UBA2: variants seen among roughly 807,000 people sequenced by gnomAD.
The protein encoded by UBA2 is ubiquitin like modifier activating enzyme 2.
UBA2 carries 11 observed loss-of-function variants against 77.2 expected under a neutral mutation model. That is an observed-to-expected ratio of 0.14 (90% CI 0.09 to 0.24). The LOEUF (loss-of-function observed/expected upper bound fraction) is 0.24. Among genes scored for constraint, UBA2 ranks in the 10% least tolerant of loss-of-function variants. The probability of loss-of-function intolerance (pLI) is 1.00; values close to 1 mark genes in which losing one functional copy is unlikely to be tolerated. For missense variants in UBA2, 487 were observed against 781.7 expected, an observed-to-expected ratio of 0.62 and a Z score of 4.50; for synonymous variants, 278 against 276.7, an observed-to-expected ratio of 1.00 and a Z score of -0.05.
intron 6 of UBA2, among the ~76,000 whole-genome samples, chr19:34,442,939 A>G (rs1484427408): frequency 1.3e-5 from 2 of 152,200 alleles, no homozygotes; most frequent in Non-Finnish European, 2.9e-5. Flanking sequence ...GGATTTCTGT[A>G]AGATAACTTT....
chr19:34,458,696 C>T (rs1346971211), intron 12 of UBA2, 73 bp from the exon 13 acceptor site: 6 of 1,305,272 alleles, frequency 4.6e-6, no homozygotes, highest in East Asian at 5.2e-5. Context: ...ATCTGGTAAA[C>T]GAGATTTTAG....
At chr19:34,445,563 C>T (rs568478657) in intron 8 of UBA2, among the ~76,000 whole-genome samples, 130 of 151,872 alleles carry the variant, frequency 8.6e-4, no homozygotes, top group Non-Finnish European at 1.3e-3. Context: ...CTCAGCCTTC[C>T]GAGTAGCTGG....
rs573896718 is a variant in UBA2, at chr19:34,442,628, A to G, written c.582-1216A>G. On this transcript the variant is annotated intron_variant, in intron 6 of 16. Coordinates refer to ENST00000246548, the MANE Select transcript of UBA2 (RefSeq NM_005499.3). The stretch of plus-strand genomic sequence containing the variant: ...TGTATTTTAGTAGATACAGGGTTTC[A>G]CCTTGTTGGCCAGGCTGGTCTCAAA... Among the ~76,000 whole-genome samples the G allele has an allele frequency of 7.2e-5, 11 of 151,934 alleles. No homozygotes were observed. In the South Asian group the frequency reaches 1.9e-3, roughly 26 times the overall value.
At position 34,451,514 on chromosome 19, in the gene UBA2, C is replaced by A. The variant is rs138995048; in HGVS notation, c.872-467C>A. ...ATGAGGTACTGAGGTGGTCTTGTAC[C>A]TTTCCTATCTCAGGTTTAACAGTTT... On this transcript the variant is annotated intron_variant, in intron 9 of 16. Coordinates refer to ENST00000246548, the MANE Select transcript of UBA2 (RefSeq NM_005499.3). 4.5e-4 allele frequency among the ~76,000 whole-genome samples: 63 copies of A among 139,296 alleles called. No individual in the cohort carries two copies. In the East Asian group the frequency reaches 0.012, roughly 26 times the overall value. 91.4% of individuals were successfully genotyped at this position (139,296 alleles called of 152,430 possible).
At position 34,469,091 on chromosome 19, in the gene UBA2, C is replaced by T. The variant is rs536680033; in HGVS notation, c.1793C>T (p.Ser598Leu). Residue 598 changes from serine (S) to leucine (L), a missense_variant, in exon 17 of 17, where the codon TCA becomes TTA. Around this residue, in one of 9 missense-constraint regions of UBA2, gnomAD observed 40 missense variants for 36.6 expected, o/e 1.09. Transcript: ENST00000246548. ...LIVDSDEEDS[S>L]NNADVSEEER... ...GTTGATTCAGATGAAGAAGATTCTT[C>T]AAATAATGCCGACGTCAGTGAAGAA... 65 of 1,611,364 alleles carry T rather than the reference C, an allele frequency of 4.0e-5. No homozygotes were observed. The highest frequency in any genetic ancestry group is 1.7e-4 in the Middle Eastern group (1 of 6,050).
intron 9 of UBA2, among the ~76,000 whole-genome samples, chr19:34,450,622 A>G (rs111654043): frequency 5.3e-5 from 8 of 151,904 alleles, no homozygotes; most frequent in African/African-American, 1.2e-4. Flanking sequence ...GAATCATACT[A>G]TTGATAAACT....
At chr19:34,433,448 T>TTCC in intron 4 of UBA2, 36 bp downstream of exon 4, 1 of 1,332,826 alleles carries the variant, frequency 7.5e-7, no homozygotes, top group Non-Finnish European at 1.1e-6. Flanking sequence ...TTCTCAGTAT[T>TTCC]TCCTCTCTCC....
intron 12 of UBA2, among the ~76,000 whole-genome samples, chr19:34,455,840 C>A (rs2075552365): frequency 6.6e-6 from 1 of 151,948 alleles, no homozygotes; most frequent in Admixed American, 6.6e-5. Flanking sequence ...ACGGGTTTCA[C>A]TATGTTGGTT....
At chr19:34,442,391 TC>T (rs2075379952) in intron 6 of UBA2, among the ~76,000 whole-genome samples, 1 of 152,230 alleles carries the variant, frequency 6.6e-6, no homozygotes, top group Admixed American at 6.5e-5. Context: ...CTCAGATACT[TC>T]CCGATAAACT....
chr19:34,429,240 C>G (rs925778256), intron 1 of UBA2: 11 of 985,268 alleles, frequency 1.1e-5, no homozygotes, highest in Admixed American at 6.2e-5. Flanking sequence ...TCGCTTGTTT[C>G]ATTAAAGACG....
chr19:34,457,546 T>G (rs2075581801), intron 12 of UBA2, among the ~76,000 whole-genome samples: 1 of 152,194 alleles, frequency 6.6e-6, no homozygotes, highest in African/African-American at 2.4e-5. Context: ...TTTCTCCCTC[T>G]GTAGCCTGCT....
intron 6 of UBA2, among the ~76,000 whole-genome samples, chr19:34,443,542 A>G (rs1227943106): frequency 6.6e-6 from 1 of 150,880 alleles, no homozygotes; most frequent in Non-Finnish European, 1.5e-5. Context: ...CCTGGGTTCA[A>G]GCGATTCTCC....
chr19:34,442,458 T>G (rs186149605), intron 6 of UBA2, among the ~76,000 whole-genome samples: 331 of 152,326 alleles, frequency 2.2e-3, no homozygotes, highest in African/African-American at 7.7e-3. Context: ...TGTTGTTGTT[T>G]TTTTGAGATG....
intron 15 of UBA2, among the ~76,000 whole-genome samples, chr19:34,465,570 A>C (rs2075678661): frequency 6.8e-6 from 1 of 147,952 alleles, no homozygotes; most frequent in Non-Finnish European, 1.5e-5. Flanking sequence ...CGGGGAGCCG[A>C]GTTTGCAGTG....
intron 3 of UBA2, among the ~76,000 whole-genome samples, chr19:34,432,670 GTC>G (rs1371145819): frequency 6.6e-6 from 1 of 152,120 alleles, no homozygotes; most frequent in African/African-American, 2.4e-5. Flanking sequence ...CGATTCTCCT[GTC>G]TCAGCCTCCT....
chr19:34,428,516 C>T lies in UBA2; in HGVS notation c.84C>T (p.Ile28=). 1 of 1,304,302 alleles carries T rather than the reference C, an allele frequency of 7.7e-7. No individual in the cohort carries two copies. Among genetic ancestry groups the T allele is most frequent in the Non-Finnish European group, 9.8e-7 (1 of 1,019,228 alleles). The allele number at this position is 1,304,302 out of a possible 1,614,324, so 80.8% of individuals were successfully genotyped here. A position where few individuals can be genotyped will look rare whatever the true frequency, so the allele number is the denominator to read the frequency against. Residue 28 remains isoleucine (I), a synonymous_variant, in exon 1 of 17, where the codon ATC becomes ATT. Coordinates refer to ENST00000246548, the MANE Select transcript of UBA2 (RefSeq NM_005499.3). ...TGCTGGTGGTGGGGGCGGGCGGCATCGGCTGCGAGCTCCTCAAGAATCTCG... is the reference window on the plus strand; with the variant it reads ...TGCTGGTGGTGGGGGCGGGCGGCATTGGCTGCGAGCTCCTCAAGAATCTCG... ...GRVLVVGAGG[I]GCELLKNLVL... is the part of the protein sequence containing the mutation.
At chr19:34,428,597 T>C (rs2075213362) in intron 1 of UBA2, 27 bp downstream of exon 1, 3 of 977,156 alleles carry the variant, frequency 3.1e-6, no homozygotes, top group Non-Finnish European at 3.8e-6. Flanking sequence ...CGCGCGTGAA[T>C]GGCGGGCTGT....
chr19:34,431,278 G>A (rs1365021179), intron 2 of UBA2, among the ~76,000 whole-genome samples: 2 of 118,316 alleles, frequency 1.7e-5, no homozygotes, highest in Non-Finnish European at 3.3e-5. Flanking sequence ...TAGAGATAGG[G>A]TCTCACTCTG....
Position 34,454,328 on chromosome 19 carries a change from T to C in UBA2, c.1107T>C (p.Asn369=), listed in dbSNP as rs1340591519. The change falls in exon 11 of 17, where the codon AAT becomes AAC. Residue 369 remains asparagine, a synonymous_variant. Transcript: ENST00000246548. The part of the protein sequence containing the change: ...ANLRMHIFSM[N]MKSRFDIKSM... ...TCAGGATGCATATTTTCAGTATGAATATGAAGAGTAGATTTGATATCAAAT... is the reference window on the plus strand; with the variant it reads ...TCAGGATGCATATTTTCAGTATGAACATGAAGAGTAGATTTGATATCAAAT... 3 of 1,612,994 alleles carry C rather than the reference T, an allele frequency of 1.9e-6. No individual in the cohort carries two copies. The South Asian group carries it at 3.3e-5, about 18-fold the overall frequency.
Sources: gnomAD v4.1 joint callset for allele counts (sites outside exome capture counted in the v4.1 genomes callset) on GRCh38, gnomAD v4.1.1 for gene constraint, gnomAD v4.1.1 regional missense constraint, MANE v1.5 for transcripts, NCBI Gene and HGNC (gene_info 2026-07-23, HGNC 2026-07-21) for gene names.